The following CPNE4 variants were observed in gnomAD, a reference collection of about 807,000 sequenced individuals.
CPNE4 encodes the protein copine-4.
Under a neutral mutation model 67.9 loss-of-function variants are expected in CPNE4, and 25 were observed. The observed-to-expected ratio is 0.37, with a 90% confidence interval of 0.27 to 0.51. The LOEUF is 0.51. Ranked by LOEUF, CPNE4 falls within the 20% of genes least tolerant of loss-of-function variation. The pLI is 0.93. For missense variants in CPNE4, 464 were observed against 690.8 expected (o/e 0.67, Z 3.68); for synonymous variants, 242 against 244.9 (o/e 0.99, Z 0.11).
At chr3:131,545,435 C>G (rs968376257) in intron 14 of CPNE4, among the ~76,000 whole-genome samples, 28 of 152,098 alleles carry the variant, frequency 1.8e-4, no homozygotes, top group African/African-American at 6.0e-4. Flanking sequence ...TCACTAATCT[C>G]TAAGTAAAAT....
At chr3:132,006,350 C>T (rs551556523) in intron 1 of CPNE4, among the ~76,000 whole-genome samples, 19 of 152,138 alleles carry the variant, frequency 1.2e-4, no homozygotes, top group African/African-American at 2.9e-4. Flanking sequence ...AGGGTCATTG[C>T]GAAGAAATCA....
intron 8 of CPNE4, among the ~76,000 whole-genome samples, chr3:131,584,539 C>G (rs1313569732): frequency 1.3e-5 from 2 of 152,072 alleles, no homozygotes; most frequent in Non-Finnish European, 2.9e-5. Context: ...GTTCCTTAAC[C>G]CAAGTCATTA....
chr3:131,861,184 T>C (rs1020356014), intron 2 of CPNE4, among the ~76,000 whole-genome samples: 2 of 152,182 alleles, frequency 1.3e-5, no homozygotes, highest in Non-Finnish European at 2.9e-5. Context: ...ATAGGCTTGG[T>C]TCAGTTCCAT....
At chr3:131,550,106 C>A in intron 13 of CPNE4, 26 bp from the exon 14 acceptor site, 10 of 1,612,158 alleles carry the variant, frequency 6.2e-6, no homozygotes, top group Non-Finnish European at 6.8e-6. Context: ...CAAAGATCAA[C>A]AGCTCCAGAG....
chr3:131,778,284 C>A (rs1319277024), intron 2 of CPNE4, among the ~76,000 whole-genome samples: 1 of 152,078 alleles, frequency 6.6e-6, no homozygotes, highest in African/African-American at 2.4e-5. Flanking sequence ...CCATGGGTAC[C>A]ACTGCCCCTC....
chr3:131,634,398 G>A (rs2079321184), intron 7 of CPNE4, among the ~76,000 whole-genome samples: 1 of 152,162 alleles, frequency 6.6e-6, no homozygotes, highest in Non-Finnish European at 1.5e-5. Context: ...TTCTTCAGGT[G>A]TAGCTGTCAG....
chr3:131,792,621 A>ATATATACACACGTGTATATATG (rs2083761453), intron 2 of CPNE4, among the ~76,000 whole-genome samples: 1 of 60,884 alleles, frequency 1.6e-5, no homozygotes, highest in East Asian at 7.0e-4. Context: ...GTATATATGT[A>ATATATACACACGTGTATATATG]TATATATATA....
At chr3:131,822,062 G>GA (rs1385465562) in intron 2 of CPNE4, among the ~76,000 whole-genome samples, 5 of 152,108 alleles carry the variant, frequency 3.3e-5, no homozygotes, top group African/African-American at 7.2e-5. Flanking sequence ...CCAAGGTAGA[G>GA]AAAAAAATTA....
At chr3:131,704,440 G>T (rs2081372542) in intron 3 of CPNE4, among the ~76,000 whole-genome samples, 1 of 152,184 alleles carries the variant, frequency 6.6e-6, no homozygotes. Context: ...CAATATGGGT[G>T]CCTGACTTGT....
At chr3:131,682,269 T>C (rs1002101754) in intron 6 of CPNE4, among the ~76,000 whole-genome samples, 1 of 152,126 alleles carries the variant, frequency 6.6e-6, no homozygotes, top group Non-Finnish European at 1.5e-5. Context: ...GTTTGTACCA[T>C]CCTTCTTGGG....
At chr3:131,995,984 A>C (rs536416252) in intron 1 of CPNE4, among the ~76,000 whole-genome samples, 1 of 152,206 alleles carries the variant, frequency 6.6e-6, no homozygotes, top group African/African-American at 2.4e-5. Flanking sequence ...TTAGGACTCC[A>C]TGGCTCATGC....
chr3:131,838,486 G>A lies in CPNE4; in HGVS notation c.180+66778C>T, dbSNP rs543315989. On this transcript the variant is annotated intron_variant, in intron 2 of 15. Transcript: ENST00000429747. Reference sequence around the variant, plus strand: ...CAAAGCACTTAACTAGTTTATTTCCGTGGGTGATACAATATATTTAAAAAT... The same window carrying A: ...CAAAGCACTTAACTAGTTTATTTCCATGGGTGATACAATATATTTAAAAAT... Among the ~76,000 whole-genome samples the A allele has an allele frequency of 2.0e-4, 30 of 151,460 alleles. 1 individual carries two copies. Among genetic ancestry groups the A allele is most frequent in the Middle Eastern group, 3.4e-3 (1 of 294 alleles).
At chr3:131,957,259 C>G (rs1287457912) in intron 1 of CPNE4, among the ~76,000 whole-genome samples, 1 of 152,226 alleles carries the variant, frequency 6.6e-6, no homozygotes, top group Non-Finnish European at 1.5e-5. Context: ...ATAATAATGT[C>G]TCCATGCCCA....
intron 2 of CPNE4, among the ~76,000 whole-genome samples, chr3:131,792,316 C>G (rs2083747711): frequency 6.6e-6 from 1 of 151,646 alleles, no homozygotes; most frequent in Non-Finnish European, 1.5e-5. Flanking sequence ...ATTTTAATAC[C>G]AGTGTAAGAG....
chr3:131,596,906 T>C (rs1938914196), intron 7 of CPNE4, among the ~76,000 whole-genome samples: 1 of 152,190 alleles, frequency 6.6e-6, no homozygotes, highest in Admixed American at 6.5e-5. Flanking sequence ...CTCATTGTTC[T>C]GTTTCTTGGG....
At chr3:131,812,515 T>A (rs550171823) in intron 2 of CPNE4, among the ~76,000 whole-genome samples, 2 of 152,270 alleles carry the variant, frequency 1.3e-5, no homozygotes, top group East Asian at 3.9e-4. Context: ...CCTCTTCAAA[T>A]AAAAACAAAA....
intron 7 of CPNE4, among the ~76,000 whole-genome samples, chr3:131,590,337 C>A (rs1217669651): frequency 6.6e-6 from 1 of 152,144 alleles, no homozygotes; most frequent in African/African-American, 2.4e-5. Flanking sequence ...AGGGGTGGAA[C>A]TCTACAGAAA....
At chr3:131,920,443 A>G (rs1379509133) in intron 1 of CPNE4, among the ~76,000 whole-genome samples, 1 of 152,024 alleles carries the variant, frequency 6.6e-6, no homozygotes, top group Non-Finnish European at 1.5e-5. Flanking sequence ...TGCTATAGCT[A>G]TTAGTTTACA....
At chr3:131,872,960 C>T (rs567746540) in intron 2 of CPNE4, among the ~76,000 whole-genome samples, 6 of 152,294 alleles carry the variant, frequency 3.9e-5, no homozygotes, top group East Asian at 1.9e-4. Flanking sequence ...TAATTCTTCA[C>T]CCACAGAAAA....
Sources: allele counts gnomAD v4.1 joint callset (sites outside exome capture counted in the v4.1 genomes callset), GRCh38; gene constraint gnomAD v4.1.1; transcripts MANE v1.5; gene names NCBI Gene and HGNC (gene_info 2026-07-23, HGNC 2026-07-21).